The following NTM variants were observed in gnomAD, a reference collection of about 807,000 sequenced individuals.
The protein encoded by NTM is IgLON family member 2.
A neutral mutation model predicts 42.1 loss-of-function variants in NTM; 13 were observed. The ratio of observed to expected loss-of-function variants is 0.31; its 90% confidence interval spans 0.20 to 0.49. NTM has a LOEUF of 0.49. Ranked by LOEUF, NTM falls within the 20% of genes least tolerant of loss-of-function variation. NTM has a pLI of 0.99. For missense variants in NTM, 373 were observed against 452.8 expected, an observed-to-expected ratio of 0.82 and a Z score of 1.60; for synonymous variants, 187 against 179.2, an observed-to-expected ratio of 1.04 and a Z score of -0.35.
intron 6 of NTM, among the ~76,000 whole-genome samples, chr11:132,310,600 A>G (rs1165087732): frequency 6.6e-6 from 1 of 152,046 alleles, no homozygotes; most frequent in East Asian, 1.9e-4. Flanking sequence ...TGCGTAAAGG[A>G]GTTAGGAAGG....
chr11:132,144,816 A>G (rs754472262), intron 2 of NTM, among the ~76,000 whole-genome samples: 38 of 152,214 alleles, frequency 2.5e-4, no homozygotes, highest in Non-Finnish European at 1.0e-4. Context: ...ATGAGCTGCA[A>G]AAAACTTGTT....
intron 1 of NTM, among the ~76,000 whole-genome samples, chr11:131,842,564 C>G (rs761355077): frequency 6.6e-6 from 1 of 152,188 alleles, no homozygotes; most frequent in Non-Finnish European, 1.5e-5. Flanking sequence ...ACATTATCTA[C>G]TAAGCATGTT....
At chr11:131,981,121 AG>A (rs749248952) in intron 2 of NTM, 2 of 152,212 alleles carry the variant, frequency 1.3e-5, no homozygotes, top group African/African-American at 2.4e-5. Flanking sequence ...GGCACATAGC[AG>A]GTATCCAGCA....
intron 1 of NTM, among the ~76,000 whole-genome samples, chr11:131,868,673 T>A (rs1038748240): frequency 5.3e-5 from 8 of 152,140 alleles, no homozygotes; most frequent in Non-Finnish European, 1.2e-4. Context: ...CACTCTACCT[T>A]TGTTATTGTT....
intron 4 of NTM, among the ~76,000 whole-genome samples, chr11:132,303,167 G>A (rs1023093593): frequency 6.6e-6 from 1 of 152,240 alleles, no homozygotes; most frequent in African/African-American, 2.4e-5. Context: ...AGAGTTAGGA[G>A]ACAAAAGGGA....
chr11:131,729,388 G>A (rs571553143), intron 1 of NTM, among the ~76,000 whole-genome samples: 11 of 152,302 alleles, frequency 7.2e-5, no homozygotes, highest in African/African-American at 2.6e-4. Flanking sequence ...GAGTTGTTCT[G>A]TGAAAACAAG....
At chr11:131,382,640 T>C (rs2135530859) in intron 1 of NTM, among the ~76,000 whole-genome samples, 1 of 152,324 alleles carries the variant, frequency 6.6e-6, no homozygotes, top group African/African-American at 2.4e-5. Context: ...ATGATCCACT[T>C]TCTAAGAGAT....
At chr11:131,587,545 C>T (rs1442414485) in intron 1 of NTM, among the ~76,000 whole-genome samples, 1 of 151,942 alleles carries the variant, frequency 6.6e-6, no homozygotes, top group African/African-American at 2.4e-5. Context: ...AAATACAATC[C>T]CATTTTAGAA....
At chr11:132,057,517 C>T (rs188524644) in intron 2 of NTM, among the ~76,000 whole-genome samples, 355 of 152,286 alleles carry the variant, frequency 2.3e-3, no homozygotes, top group Non-Finnish European at 3.6e-3. Context: ...TCCTACTCCT[C>T]CCAACATGAG....
chr11:131,722,021 A>AAAGAG (rs368857349), intron 1 of NTM, among the ~76,000 whole-genome samples: 1,133 of 112,822 alleles, frequency 0.01, 153 homozygotes, highest in African/African-American at 0.034. Flanking sequence ...AAAAAAAAAA[A>AAAGAG]AGAGAGAAAG....
At chr11:131,682,988 G>A (rs2073231727) in intron 1 of NTM, among the ~76,000 whole-genome samples, 1 of 152,098 alleles carries the variant, frequency 6.6e-6, no homozygotes, top group Admixed American at 6.5e-5. Flanking sequence ...GCTCCCCACC[G>A]TTCTCTCTCT....
At chr11:131,685,001 C>A (rs1047948603) in intron 1 of NTM, among the ~76,000 whole-genome samples, 2 of 152,238 alleles carry the variant, frequency 1.3e-5, no homozygotes, top group African/African-American at 4.8e-5. Flanking sequence ...CCACTCCGAG[C>A]TGCTCAGGGC....
chr11:131,919,883 C>A (rs1438588788), intron 2 of NTM, among the ~76,000 whole-genome samples: 1 of 152,112 alleles, frequency 6.6e-6, no homozygotes, highest in Non-Finnish European at 1.5e-5. Context: ...TATAGGTGGA[C>A]AAATCCCCCT....
intron 2 of NTM, among the ~76,000 whole-genome samples, chr11:132,036,588 T>C (rs1444135517): frequency 6.6e-6 from 1 of 152,178 alleles, no homozygotes; most frequent in African/African-American, 2.4e-5. Flanking sequence ...ACCAAGCGAA[T>C]GGTGTATCTG....
intron 1 of NTM, among the ~76,000 whole-genome samples, chr11:131,715,219 G>T (rs928336705): frequency 2.0e-5 from 3 of 152,188 alleles, no homozygotes; most frequent in African/African-American, 7.2e-5. Flanking sequence ...AGAGAAAGAG[G>T]CAGTGCATAA....
intron 4 of NTM, among the ~76,000 whole-genome samples, chr11:132,271,797 C>A (rs1468695292): frequency 4.7e-5 from 7 of 150,210 alleles, no homozygotes; most frequent in Non-Finnish European, 7.4e-5. Context: ...ATATGAATTC[C>A]TAATCAGATA....
At chr11:131,758,713 C>T (rs2083678888) in intron 1 of NTM, among the ~76,000 whole-genome samples, 1 of 152,060 alleles carries the variant, frequency 6.6e-6, no homozygotes, top group Admixed American at 6.6e-5. Context: ...CTGTCTCTGC[C>T]TCCCGAGTAG....
At chr11:132,162,383 T>G (rs1411554461) in intron 3 of NTM, among the ~76,000 whole-genome samples, 1 of 145,066 alleles carries the variant, frequency 6.9e-6, no homozygotes, top group Non-Finnish European at 1.5e-5. Flanking sequence ...AGTGTGTGTA[T>G]GTGTTTGTGG....
At chr11:132,270,799 C>G (rs1565351379) in intron 4 of NTM, among the ~76,000 whole-genome samples, 1 of 152,084 alleles carries the variant, frequency 6.6e-6, no homozygotes. Flanking sequence ...GTTCCACATC[C>G]TTGCTCTTTG....
Sources: allele counts gnomAD v4.1 joint callset (sites outside exome capture counted in the v4.1 genomes callset), GRCh38; gene constraint gnomAD v4.1.1; transcripts MANE v1.5; gene names NCBI Gene and HGNC (gene_info 2026-07-23, HGNC 2026-07-21).